NLRC5: variants seen among roughly 807,000 people sequenced by gnomAD.
NLRC5 encodes protein NLRC5.
NLRC5 carries 114 observed loss-of-function variants against 206.9 expected under a neutral mutation model. That is an observed-to-expected ratio of 0.55 (90% CI 0.47 to 0.64). The LOEUF is 0.64. NLRC5 is among the 30% of genes least tolerant of loss of function. The probability of loss-of-function intolerance (pLI) is 0.00; values close to 1 mark genes in which losing one functional copy is unlikely to be tolerated. For synonymous variants in NLRC5, 952 were observed against 962.8 expected (o/e 0.99, Z 0.21); for missense variants, 2,008 against 2,305.5 (o/e 0.87, Z 2.64).
chr16:57,040,046 A>T (rs1198743640), intron 16 of NLRC5, among the ~76,000 whole-genome samples, 197 bp downstream of exon 16: 2 of 152,194 alleles, frequency 1.3e-5, no homozygotes, highest in Non-Finnish European at 2.9e-5. Context: ...TCCGCCTCTC[A>T]TGGTGCCTGA....
At chr16:57,046,712 C>G in intron 22 of NLRC5, 71 bp downstream of exon 22, 1 of 1,281,892 alleles carries the variant, frequency 7.8e-7, no homozygotes, top group Admixed American at 1.9e-5. Flanking sequence ...GCAGAGCTGG[C>G]AGGGGGCTAG....
At position 57,077,705 on chromosome 16, in the gene NLRC5, C is replaced by T. The variant is rs780692774; in HGVS notation, c.4920-14C>T. On this transcript the variant is annotated splice_polypyrimidine_tract_variant and intron_variant, in intron 41 of 48. Coordinates refer to ENST00000688547, the MANE Select transcript of NLRC5 (RefSeq NM_001384950.1). ...GGGGCATCAGAGGACCTGATGGCTGCCCCCCTCCCACAGCCTCTCAGGGAA... is the reference window on the plus strand; with the variant it reads ...GGGGCATCAGAGGACCTGATGGCTGTCCCCCTCCCACAGCCTCTCAGGGAA... The T allele has an allele frequency of 1.3e-6, 2 of 1,553,952 alleles. No homozygotes were observed. The highest frequency in any genetic ancestry group is 1.7e-6 in the Non-Finnish European group (2 of 1,147,728).
intron 11 of NLRC5, among the ~76,000 whole-genome samples, chr16:57,033,112 G>T (rs1407330609): frequency 6.6e-6 from 1 of 152,162 alleles, no homozygotes; most frequent in African/African-American, 2.4e-5. Context: ...AGAGTCTGTG[G>T]TTTACCATAG....
At position 57,082,753 on chromosome 16, in the gene NLRC5, T is replaced by G; in HGVS notation, c.*225T>G. 4.3e-6 allele frequency: 2 copies of G among 467,072 alleles called. No individual in the cohort carries two copies. The highest frequency in any genetic ancestry group is 7.6e-6 in the Non-Finnish European group (2 of 262,394). 28.9% of individuals were successfully genotyped at this position (467,072 alleles called of 1,614,324 possible). A position where few individuals can be genotyped will look rare whatever the true frequency, so the allele number is the denominator to read the frequency against. On this transcript the variant is annotated 3_prime_UTR_variant, in exon 49 of 49. Coordinates refer to ENST00000688547, the MANE Select transcript of NLRC5 (RefSeq NM_001384950.1). ...AGTACCCTGCATTACGTGGGATATGTGTGATCAATTGGGGACATGCGACAC... is the reference window on the plus strand; with the variant it reads ...AGTACCCTGCATTACGTGGGATATGGGTGATCAATTGGGGACATGCGACAC...
intron 46 of NLRC5, among the ~76,000 whole-genome samples, chr16:57,080,384 C>T (rs965133361): frequency 2.0e-5 from 3 of 151,814 alleles, no homozygotes; most frequent in Non-Finnish European, 4.4e-5. Context: ...AAGTTAATAC[C>T]ATTGTTTGTA....
intron 26 of NLRC5, 141 bp from the exon 27 acceptor site, chr16:57,055,292 A>G: frequency 1.1e-6 from 1 of 903,766 alleles, no homozygotes; most frequent in Non-Finnish European, 1.7e-6. Flanking sequence ...GGAGCAGTGG[A>G]TTCTGGACAC....
At chr16:57,073,140 G>A (rs1432828362) in intron 38 of NLRC5, among the ~76,000 whole-genome samples, 8 of 152,154 alleles carry the variant, frequency 5.3e-5, no homozygotes, top group Admixed American at 2.6e-4. Context: ...CACCTGGGCC[G>A]GGGACAGGAC....
At chr16:57,035,168 C>G (rs893881250) in intron 13 of NLRC5, among the ~76,000 whole-genome samples, 1 of 152,170 alleles carries the variant, frequency 6.6e-6, no homozygotes, top group Non-Finnish European at 1.5e-5. Flanking sequence ...GCCCCCTTGC[C>G]CTTCTCCCAC....
intron 1 of NLRC5, among the ~76,000 whole-genome samples, chr16:57,012,523 A>T (rs994273384): frequency 6.6e-6 from 1 of 152,200 alleles, no homozygotes; most frequent in Non-Finnish European, 1.5e-5. Flanking sequence ...GGCGAGTATT[A>T]CTGCCTGAGC....
chr16:57,061,335 T>C (rs2066449389), intron 30 of NLRC5, 113 bp from the exon 31 acceptor site: 4 of 1,035,214 alleles, frequency 3.9e-6, no homozygotes, highest in Non-Finnish European at 5.7e-6. Flanking sequence ...CTCCAGGCCT[T>C]TGCCCTCAGA....
intron 4 of NLRC5, 110 bp from the exon 5 acceptor site, chr16:57,023,675 C>A: frequency 1.2e-6 from 1 of 832,482 alleles, no homozygotes; most frequent in Non-Finnish European, 1.9e-6. Context: ...TGTGGGTGTA[C>A]TTGGCTGCCT....
intron 24 of NLRC5, among the ~76,000 whole-genome samples, chr16:57,054,160 G>C (rs1234627430): frequency 6.6e-6 from 1 of 152,148 alleles, no homozygotes; most frequent in East Asian, 1.9e-4. Flanking sequence ...AATATCTGGA[G>C]ATATTTTTGG....
chr16:57,014,271 T>A (rs1206169934), intron 1 of NLRC5, among the ~76,000 whole-genome samples: 1 of 152,214 alleles, frequency 6.6e-6, no homozygotes, highest in East Asian at 1.9e-4. Context: ...AAATAGTGTA[T>A]TTTAAATGAG....
chr16:57,008,214 C>T (rs970972955), intron 1 of NLRC5, among the ~76,000 whole-genome samples: 3 of 152,024 alleles, frequency 2.0e-5, no homozygotes, highest in Non-Finnish European at 4.4e-5. Flanking sequence ...AGAGCAAGAC[C>T]CCGCCTCTAT....
rs2066097633 is a variant in NLRC5, at chr16:57,059,292, G to T, written c.3921-175G>T. ...GGAGGCCATGGGGTGGGAAGGCCAG[G>T]TATTGCCATGCTCACAGAATGAGTT... On this transcript the variant is annotated intron_variant, in intron 29 of 48. Transcript: ENST00000688547. The T allele has an allele frequency of 4.8e-6, 7 of 1,463,444 alleles. No homozygotes were observed. In the South Asian group the frequency reaches 8.4e-5, roughly 18 times the overall value. The allele number at this position is 1,463,444 out of a possible 1,614,324, so 90.7% of individuals were successfully genotyped here. A position where few individuals can be genotyped will look rare whatever the true frequency, so the allele number is the denominator to read the frequency against.
Position 57,051,564 on chromosome 16 carries a change from A to G in NLRC5, c.3449A>G (p.Gln1150Arg). 6.2e-7 allele frequency: 1 copy of G among 1,614,116 alleles called. No individual in the cohort carries two copies. Among genetic ancestry groups the G allele is most frequent in the Non-Finnish European group, 8.5e-7 (1 of 1,179,950 alleles). ...LQLSCEFLSD[Q>R]SLETLLDCLP... is the part of the protein sequence containing the mutation. The stretch of plus-strand genomic sequence containing the variant: ...TTGTCCTGTGAGTTCCTGAGTGACC[A>G]GAGCCTGGAGACTCTACTGGACTGC... The change falls in exon 24 of 49, where the codon CAG (glutamine) becomes CGG (arginine). Residue 1150 changes from glutamine to arginine, a missense_variant. Gln to Arg is a conservative substitution (Grantham distance 43). Transcript: ENST00000688547.
At position 57,006,881 on chromosome 16, in the gene NLRC5, G is replaced by A. The variant is rs572274499; in HGVS notation, c.-127-10193G>A. On this transcript the variant is annotated intron_variant, in intron 1 of 48. Coordinates refer to ENST00000688547, the MANE Select transcript of NLRC5 (RefSeq NM_001384950.1). Reference sequence around the variant, plus strand: ...TTTTTTGAGACAGGGTCACAAAACCGTTAACACATTATTATTATTATTATT... The same window carrying A: ...TTTTTTGAGACAGGGTCACAAAACCATTAACACATTATTATTATTATTATT... Among the ~76,000 whole-genome samples, 327 of 50,452 alleles carry A rather than the reference G, an allele frequency of 6.5e-3. 1 individual carries two copies. Among genetic ancestry groups the A allele is most frequent in the African/African-American group, 0.019 (302 of 16,184 alleles). The allele number at this position is 50,452 out of a possible 152,430, so 33.1% of individuals were successfully genotyped here.
chr16:57,020,374 C>G (rs866293696), intron 2 of NLRC5, among the ~76,000 whole-genome samples: 4 of 148,042 alleles, frequency 2.7e-5, no homozygotes, highest in Non-Finnish European at 6.0e-5. Context: ...CCCAGCTCAC[C>G]TGCCTGCCCT....
At position 57,070,616 on chromosome 16, in the gene NLRC5, G is replaced by A. The variant is rs1303719774; in HGVS notation, c.4665G>A (p.Leu1555=). 11 of 1,613,684 alleles carry A rather than the reference G, an allele frequency of 6.8e-6. No homozygotes were observed. The Admixed American group carries it at 1.7e-4, about 24-fold the overall frequency. Residue 1555 remains leucine, a splice_region_variant and synonymous_variant, in exon 38 of 49, where the codon CTG becomes CTA. Transcript: ENST00000688547. ...AGGGGAAATGGATGCTAAAGAGGCT[G>A]GAGTAAGTAGTGATGGTGGTTGTGG... is the stretch of plus-strand genomic sequence containing the variant. ...ALEGKWMLKR[L]DLSHLLLNSS...
Sources: gnomAD v4.1 joint callset for allele counts (sites outside exome capture counted in the v4.1 genomes callset) on GRCh38, gnomAD v4.1.1 for gene constraint, MANE v1.5 for transcripts, NCBI Gene and HGNC (gene_info 2026-07-23, HGNC 2026-07-21) for gene names.